Variants in ZNF526 observed in about 807,000 individuals in gnomAD.
ZNF526 encodes the protein zinc finger protein 526.
ZNF526 carries 16 observed loss-of-function variants against 32.4 expected under a neutral mutation model. The ratio of observed to expected loss-of-function variants is 0.49; its 90% CI spans 0.33 to 0.75. ZNF526 has a LOEUF of 0.75. Among genes scored for constraint, ZNF526 ranks in the 30% least tolerant of loss-of-function variants. The pLI, the probability that ZNF526 is intolerant of heterozygous loss-of-function variation, is 0.02. For missense variants in ZNF526, 838 were observed against 920.7 expected, an observed-to-expected ratio of 0.91 and a Z score of 1.16; for synonymous variants, 355 against 363.4, an observed-to-expected ratio of 0.98 and a Z score of 0.26.
chr19:42,223,159 A>G (rs1474786820), intron 1 of ZNF526, among the ~76,000 whole-genome samples: 1 of 152,218 alleles, frequency 6.6e-6, no homozygotes, highest in African/African-American at 2.4e-5. Context: ...AGCTGCACGC[A>G]GGCAAAGGCT....
chr19:42,224,653 T>G lies in ZNF526; in HGVS notation c.250T>G (p.Ser84Ala). 1 of 1,614,158 alleles carries G rather than the reference T, an allele frequency of 6.2e-7. No individual in the cohort carries two copies. Among genetic ancestry groups the G allele is most frequent in the Non-Finnish European group, 8.5e-7 (1 of 1,180,028 alleles). ...CCAGGAGCAGCACATGCTTGCTGTC[T>G]CAGAGGAGGAGGCACTGACCACACA... ...SHQEQHMLAV[S>A]EEEALTTQNV... Residue 84 changes from serine (S) to alanine (A), a missense_variant, in exon 3 of 3, where the codon TCA (serine) becomes GCA (alanine). Transcript: ENST00000301215.
chr19:42,224,617 G>T lies in ZNF526; in HGVS notation c.214G>T (p.Val72Phe). ...CGSLYNTLEE[V>F]LSHQEQHMLA... is the part of the protein sequence containing the mutation. Reference sequence around the variant, plus strand: ...CAGCCTCTATAACACACTGGAGGAAGTCCTCTCACACCAGGAGCAGCACAT... The same window carrying T: ...CAGCCTCTATAACACACTGGAGGAATTCCTCTCACACCAGGAGCAGCACAT... Residue 72 changes from valine to phenylalanine, a missense_variant, in exon 3 of 3, where the codon GTC becomes TTC. By Grantham distance (50) the Val-to-Phe change is conservative. Transcript: ENST00000301215. 6.2e-7 allele frequency: 1 copy of T among 1,614,224 alleles called. No individual in the cohort carries two copies. Among genetic ancestry groups the T allele is most frequent in the Non-Finnish European group, 8.5e-7 (1 of 1,180,042 alleles).
In ZNF526 at chr19:42,225,468, C is replaced by T. The variant is rs768226007; in HGVS notation, c.1065C>T (p.Arg355=). 21 of 1,613,976 alleles carry T rather than the reference C, an allele frequency of 1.3e-5. No homozygotes were observed. Among genetic ancestry groups the T allele is most frequent in the South Asian group, 8.8e-5 (8 of 91,096 alleles). ...TTGAGCAGCACTTGCGGCTGCATCG[C>T]GGGGAAGCCCGCTACCTCTGTGTAG... is the stretch of plus-strand genomic sequence containing the variant. The part of the protein sequence containing the change: ...ASLEQHLRLH[R]GEARYLCVDC... Residue 355 remains arginine (R), a synonymous_variant, in exon 3 of 3, where the codon CGC becomes CGT. Transcript: ENST00000301215.
At chr19:42,224,183 A>G (rs1036556780) in intron 1 of ZNF526, 32 bp from the exon 2 acceptor site, 15 of 511,656 alleles carry the variant, frequency 2.9e-5, no homozygotes, top group African/African-American at 2.4e-4. Flanking sequence ...AAAAAAAAAG[A>G]GGCTGGGCTG....
rs1451551972 is a variant in ZNF526 at position 42,226,014 on chromosome 19, C to T, written c.1611C>T (p.Phe537=). The stretch of plus-strand genomic sequence containing the variant: ...AATGCCTGGACTGTGGCAAGCGCTT[C>T]ACACAGAGCTCCAACCTGCAGCAGC... ...PYQCLDCGKR[F]TQSSNLQQHR... The change falls in exon 3 of 3, where the codon TTC becomes TTT. Residue 537 remains phenylalanine, a synonymous_variant. Coordinates refer to ENST00000301215, the MANE Select transcript of ZNF526 (RefSeq NM_133444.3). 6.2e-7 allele frequency: 1 copy of T among 1,613,548 alleles called. No individual in the cohort carries two copies. The highest frequency in any genetic ancestry group is 8.5e-7 in the Non-Finnish European group (1 of 1,180,028).
Position 42,226,168 on chromosome 19 carries a change from C to A in ZNF526, c.1765C>A (p.Arg589=). ...GRWFRAMAGL[R]LHQRVHARAR... ...CTGGTTCCGCGCCATGGCGGGCTTG[C>A]GACTGCATCAGCGGGTCCATGCCCG... The change falls in exon 3 of 3, where the codon CGA becomes AGA. Residue 589 remains arginine, a synonymous_variant. Coordinates refer to ENST00000301215, the MANE Select transcript of ZNF526 (RefSeq NM_133444.3). 1 of 1,607,898 alleles carries A rather than the reference C, an allele frequency of 6.2e-7. No homozygotes were observed.
At position 42,224,714 on chromosome 19, in the gene ZNF526, C is replaced by T. The variant is rs769004574; in HGVS notation, c.311C>T (p.Ala104Val). Reference sequence around the variant, plus strand: ...CTGGAGCCGGAGCTGGTGCCGGGTGCTGAGGGGCCCTTCCAGTGTGGTGAA... The same window carrying T: ...CTGGAGCCGGAGCTGGTGCCGGGTGTTGAGGGGCCCTTCCAGTGTGGTGAA... The part of the protein sequence containing the change: ...VGLEPELVPG[A>V]EGPFQCGECS... The change falls in exon 3 of 3, where the codon GCT (alanine) becomes GTT (valine). Residue 104 changes from alanine to valine, a missense_variant. Coordinates refer to ENST00000301215, the MANE Select transcript of ZNF526 (RefSeq NM_133444.3). The T allele has an allele frequency of 3.7e-6, 6 of 1,614,152 alleles. No individual in the cohort carries two copies. The highest frequency in any genetic ancestry group is 3.3e-5 in the Admixed American group (2 of 60,022).
intron 1 of ZNF526, among the ~76,000 whole-genome samples, chr19:42,223,111 T>C (rs1040620331): frequency 6.6e-5 from 10 of 152,148 alleles, no homozygotes; most frequent in Non-Finnish European, 1.5e-4. Context: ...TGTGTGTGTA[T>C]ATGTAAGAGG....
intron 1 of ZNF526, among the ~76,000 whole-genome samples, chr19:42,220,915 A>G (rs970939757): frequency 2.6e-5 from 4 of 152,126 alleles, no homozygotes; most frequent in African/African-American, 9.7e-5. Flanking sequence ...ATGGGGCTGT[A>G]ATCAAGGAAA....
Position 42,224,698 on chromosome 19 carries a change from G to A in ZNF526, c.295G>A (p.Glu99Lys). Residue 99 changes from glutamate (E) to lysine (K), a missense_variant, in exon 3 of 3, where the codon GAG becomes AAG. Coordinates refer to ENST00000301215, the MANE Select transcript of ZNF526 (RefSeq NM_133444.3). ...CACACAGAATGTTGGCCTGGAGCCGGAGCTGGTGCCGGGTGCTGAGGGGCC... is the reference window on the plus strand; with the variant it reads ...CACACAGAATGTTGGCCTGGAGCCGAAGCTGGTGCCGGGTGCTGAGGGGCC... ...LTTQNVGLEP[E>K]LVPGAEGPFQ... 2 of 1,614,148 alleles carry A rather than the reference G, an allele frequency of 1.2e-6. No individual in the cohort carries two copies. The highest frequency in any genetic ancestry group is 1.7e-6 in the Non-Finnish European group (2 of 1,180,042).
Position 42,226,152 on chromosome 19 carries a change from C to T in ZNF526, c.1749C>T (p.Arg583=), listed in dbSNP as rs950062955. 28 of 1,607,222 alleles carry T rather than the reference C, an allele frequency of 1.7e-5. No individual in the cohort carries two copies. Among genetic ancestry groups the T allele is most frequent in the Non-Finnish European group, 2.2e-5 (26 of 1,180,014 alleles). The change falls in exon 3 of 3, where the codon CGC becomes CGT. Residue 583 remains arginine, a synonymous_variant. Coordinates refer to ENST00000301215, the MANE Select transcript of ZNF526 (RefSeq NM_133444.3). ...GCGGGACTTGTGGCCGCTGGTTCCGCGCCATGGCGGGCTTGCGACTGCATC... is the reference window on the plus strand; with the variant it reads ...GCGGGACTTGTGGCCGCTGGTTCCGTGCCATGGCGGGCTTGCGACTGCATC... The part of the protein sequence containing the change: ...YYCGTCGRWF[R]AMAGLRLHQR...
chr19:42,222,768 C>G (rs2036135692), intron 1 of ZNF526, among the ~76,000 whole-genome samples: 1 of 152,162 alleles, frequency 6.6e-6, no homozygotes. Context: ...AGAGGTGGCA[C>G]AGGATACCAT....
rs1420516888 is a variant in ZNF526 at position 42,226,908 on chromosome 19, G to A, written c.*492G>A. 8.2e-6 allele frequency: 2 copies of A among 245,074 alleles called. No individual in the cohort carries two copies. Among genetic ancestry groups the A allele is most frequent in the Non-Finnish European group, 8.7e-6 (1 of 114,938 alleles). 15.2% of individuals were successfully genotyped at this position (245,074 alleles called of 1,614,324 possible). A position where few individuals can be genotyped will look rare whatever the true frequency, so the allele number is the denominator to read the frequency against. On this transcript the variant is annotated 3_prime_UTR_variant, in exon 3 of 3. Transcript: ENST00000301215. Reference sequence around the variant, plus strand: ...TCCTTCATCTCAATTCTGACAGTGTGGAAGGAAATCTGTAGGTACCCAGGT... The same window carrying A: ...TCCTTCATCTCAATTCTGACAGTGTAGAAGGAAATCTGTAGGTACCCAGGT...
Position 42,220,339 on chromosome 19 carries a change from G to C in ZNF526, c.-157G>C, listed in dbSNP as rs1456990600. On this transcript the variant is annotated 5_prime_UTR_variant, in exon 1 of 3. Coordinates refer to ENST00000301215, the MANE Select transcript of ZNF526 (RefSeq NM_133444.3). ...TGAGGGGTCCCACACGCCTGGAGCC[G>C]AGGGTCTGTGTCAAGAGCGGCAGGG... 1 of 152,512 alleles carries C rather than the reference G, an allele frequency of 6.6e-6. No homozygotes were observed. Among genetic ancestry groups the C allele is most frequent in the East Asian group, 1.9e-4 (1 of 5,200 alleles). The allele number at this position is 152,512 out of a possible 1,614,324, so 9.4% of individuals were successfully genotyped here.
Position 42,224,210 on chromosome 19 carries a change from T to C in ZNF526, c.-108-5T>C. 1 of 613,056 alleles carries C rather than the reference T, an allele frequency of 1.6e-6. No individual in the cohort carries two copies. The highest frequency in any genetic ancestry group is 1.8e-5 in the South Asian group (1 of 54,976). 38.0% of individuals were successfully genotyped at this position (613,056 alleles called of 1,614,324 possible). A position where few individuals can be genotyped will look rare whatever the true frequency, so the allele number is the denominator to read the frequency against. On this transcript the variant is annotated splice_polypyrimidine_tract_variant and splice_region_variant and intron_variant, in intron 1 of 2. Coordinates refer to ENST00000301215, the MANE Select transcript of ZNF526 (RefSeq NM_133444.3). ...GCTGGGCTGAGTGGTGTTTCTCTCC[T>C]GCAGGCTGCCGTGGGGTGTGTGTAG...
rs141326800 is a variant in ZNF526 at position 42,226,085 on chromosome 19, G to A, written c.1682G>A (p.Arg561His). 88 of 1,606,296 alleles carry A rather than the reference G, an allele frequency of 5.5e-5. No homozygotes were observed. Among genetic ancestry groups the A allele is most frequent in the South Asian group, 1.6e-4 (15 of 91,088 alleles). ...LRPVAFARAP[R>H]LPITGLYNKS... ...CCAGTCGCCTTTGCCCGCGCCCCCC[G>A]CCTCCCCATCACTGGTCTCTACAAC... The change falls in exon 3 of 3, where the codon CGC becomes CAC. Residue 561 changes from arginine (R) to histidine (H), a missense_variant. Transcript: ENST00000301215.
At position 42,224,639 on chromosome 19, in the gene ZNF526, A is replaced by G. The variant is rs980900134; in HGVS notation, c.236A>G (p.His79Arg). Residue 79 changes from histidine to arginine, a missense_variant, in exon 3 of 3, where the codon CAC becomes CGC. His to Arg is a conservative substitution (Grantham distance 29, BLOSUM62 0). Transcript: ENST00000301215. ...LEEVLSHQEQ[H>R]MLAVSEEEAL... is the part of the protein sequence containing the mutation. Reference sequence around the variant, plus strand: ...GAAGTCCTCTCACACCAGGAGCAGCACATGCTTGCTGTCTCAGAGGAGGAG... The same window carrying G: ...GAAGTCCTCTCACACCAGGAGCAGCGCATGCTTGCTGTCTCAGAGGAGGAG... 4.3e-6 allele frequency: 7 copies of G among 1,614,094 alleles called. No homozygotes were observed. In the Admixed American group the frequency reaches 6.7e-5, roughly 15 times the overall value.
Position 42,225,293 on chromosome 19 carries a change from G to A in ZNF526, c.890G>A (p.Ser297Asn). ...ARRQHRRTAH[S>N]PASATHPFHC... ...CGGCAACACCGGCGGACGGCTCACA[G>A]CCCGGCATCTGCCACCCACCCCTTC... The change falls in exon 3 of 3, where the codon AGC (serine) becomes AAC (asparagine). Residue 297 changes from serine to asparagine, a missense_variant. Transcript: ENST00000301215. The A allele has an allele frequency of 6.2e-7, 1 of 1,612,588 alleles. No homozygotes were observed. Among genetic ancestry groups the A allele is most frequent in the Non-Finnish European group, 8.5e-7 (1 of 1,179,026 alleles).
At position 42,224,755 on chromosome 19, in the gene ZNF526, C is replaced by G. The variant is rs199913855; in HGVS notation, c.352C>G (p.Leu118Val). 188 of 1,613,994 alleles carry G rather than the reference C, an allele frequency of 1.2e-4. No individual in the cohort carries two copies. Among genetic ancestry groups the G allele is most frequent in the Non-Finnish European group, 1.5e-4 (177 of 1,180,052 alleles). The change falls in exon 3 of 3, where the codon CTC (leucine) becomes GTC (valine). Residue 118 changes from leucine (L) to valine (V), a missense_variant. Transcript: ENST00000301215. The part of the protein sequence containing the change: ...FQCGECSQLI[L>V]SPGELLAHQD... ...GTGTGGTGAATGCAGCCAGCTCATC[C>G]TCTCCCCTGGGGAGCTCCTGGCCCA...
Sources: allele counts gnomAD v4.1 joint callset (sites outside exome capture counted in the v4.1 genomes callset), GRCh38; gene constraint gnomAD v4.1.1; transcripts MANE v1.5; gene names NCBI Gene and HGNC (gene_info 2026-07-23, HGNC 2026-07-21).